Variants in CTNNA2 observed in about 807,000 individuals in gnomAD.
CTNNA2 encodes the protein catenin alpha-2.
A neutral mutation model predicts 101.0 loss-of-function variants in CTNNA2; 42 were observed. That is an observed-to-expected ratio of 0.42 (90% CI 0.32 to 0.54). The LOEUF is 0.54. Ranked by LOEUF, CTNNA2 falls within the 20% of genes least tolerant of loss-of-function variation. The pLI, the probability that CTNNA2 is intolerant of heterozygous loss-of-function variation, is 0.14. For missense variants in CTNNA2, 871 were observed against 1,223.1 expected (o/e 0.71, Z 4.29); for synonymous variants, 450 against 456.4 (o/e 0.99, Z 0.18).
rs550917050 is a variant in CTNNA2 at position 79,568,828 on chromosome 2, C to T, written c.-6+55621C>T. On this transcript the variant is annotated intron_variant, in intron 1 of 18. Transcript: ENST00000402739. Reference sequence around the variant, plus strand: ...CCTGAGCTCAGGAGTTCGAGACCAGCCTGGGCAACATGGCAACATTCTGTT... The same window carrying T: ...CCTGAGCTCAGGAGTTCGAGACCAGTCTGGGCAACATGGCAACATTCTGTT... Among the ~76,000 whole-genome samples, 26 of 142,792 alleles carry T rather than the reference C, an allele frequency of 1.8e-4. No homozygotes were observed. In the South Asian group the frequency reaches 5.6e-3, roughly 31 times the overall value. The allele number at this position is 142,792 out of a possible 152,430, so 93.7% of individuals were successfully genotyped here.
chr2:79,529,372 G>C (rs1282910035), intron 1 of CTNNA2, among the ~76,000 whole-genome samples: 1 of 152,278 alleles, frequency 6.6e-6, no homozygotes, highest in East Asian at 1.9e-4. Flanking sequence ...CTGATGCTTG[G>C]TGTTGATGAT....
At chr2:80,370,525 G>A (rs1675346685) in intron 7 of CTNNA2, among the ~76,000 whole-genome samples, 3 of 152,094 alleles carry the variant, frequency 2.0e-5, no homozygotes, top group Non-Finnish European at 2.9e-5. Context: ...CTAGCCAGAA[G>A]ACTTTGGTGT....
At chr2:79,816,173 C>T (rs1353380258) in intron 3 of CTNNA2, among the ~76,000 whole-genome samples, 1 of 152,050 alleles carries the variant, frequency 6.6e-6, no homozygotes, top group Non-Finnish European at 1.5e-5. Context: ...TTAGGGTTTT[C>T]AAGGTAAACA....
At chr2:79,512,716 G>T (rs1558688546), upstream of CTNNA2, among the ~76,000 whole-genome samples, 1 of 151,668 alleles carries the variant, frequency 6.6e-6, no homozygotes. Flanking sequence ...CTTCGCCGCC[G>T]TCCCCTCCCC....
chr2:80,573,608 T>A (rs930463628), intron 12 of CTNNA2, among the ~76,000 whole-genome samples: 52 of 152,138 alleles, frequency 3.4e-4, no homozygotes, highest in African/African-American at 1.1e-3. Context: ...TTCATCCACA[T>A]TTGATTGTGA....
intron 1 of CTNNA2, among the ~76,000 whole-genome samples, chr2:79,531,553 G>A (rs1490085540): frequency 1.3e-5 from 2 of 152,070 alleles, no homozygotes; most frequent in Non-Finnish European, 2.9e-5. Flanking sequence ...ATAATACACA[G>A]CAGGGTGTCC....
At chr2:80,050,028 C>G (rs1412869152) in intron 7 of CTNNA2, among the ~76,000 whole-genome samples, 1 of 152,086 alleles carries the variant, frequency 6.6e-6, no homozygotes, top group Non-Finnish European at 1.5e-5. Flanking sequence ...CCTTCCTCTT[C>G]CCACCACCCC....
intron 2 of CTNNA2, among the ~76,000 whole-genome samples, chr2:79,683,054 T>C (rs1161029214): frequency 6.6e-6 from 1 of 152,248 alleles, no homozygotes; most frequent in Non-Finnish European, 1.5e-5. Flanking sequence ...ATTGGTTCTT[T>C]ACAATTTGGT....
chr2:80,240,439 T>C (rs1248427873), intron 7 of CTNNA2, among the ~76,000 whole-genome samples: 1 of 152,176 alleles, frequency 6.6e-6, no homozygotes, highest in Admixed American at 6.5e-5. Context: ...CCTCCAGCCA[T>C]CTCCACAGAT....
chr2:79,626,613 G>A (rs1289940734), intron 1 of CTNNA2, among the ~76,000 whole-genome samples: 1 of 116,476 alleles, frequency 8.6e-6, no homozygotes, highest in Non-Finnish European at 1.7e-5. Flanking sequence ...GTGCGTGTGT[G>A]TGTGTATGTG....
intron 4 of CTNNA2, among the ~76,000 whole-genome samples, chr2:79,438,297 C>G (rs552605604): frequency 1.3e-5 from 2 of 152,234 alleles, no homozygotes; most frequent in Admixed American, 6.5e-5. Flanking sequence ...TGAACTGTCT[C>G]TGTCTTTCAA....
rs1292531380 is a variant in CTNNA2 at position 79,665,757 on chromosome 2, TA to T, written c.102+14100del. On this transcript the variant is annotated intron_variant, in intron 2 of 18. Transcript: ENST00000402739. The stretch of plus-strand genomic sequence containing the variant: ...ATCTTGAATAATGTTGCCATATTAT[TA>T]TCTGGGCTTAGAAAAAGGAAAGAGT... 2.0e-5 allele frequency among the ~76,000 whole-genome samples: 3 copies of T among 152,338 alleles called. No individual in the cohort carries two copies. In the South Asian group the frequency reaches 6.2e-4, roughly 32 times the overall value.
At chr2:79,618,044 A>G (rs1167260771) in intron 1 of CTNNA2, among the ~76,000 whole-genome samples, 1 of 152,028 alleles carries the variant, frequency 6.6e-6, no homozygotes, top group Non-Finnish European at 1.5e-5. Context: ...GGACACCCCC[A>G]TCCCCACCAC....
At chr2:80,227,002 A>G (rs770009382) in intron 7 of CTNNA2, among the ~76,000 whole-genome samples, 3 of 152,300 alleles carry the variant, frequency 2.0e-5, no homozygotes, top group South Asian at 4.1e-4. Context: ...TGGGTTAACA[A>G]CAGCTTTAGG....
chr2:79,875,408 C>T (rs1473714855), intron 6 of CTNNA2, among the ~76,000 whole-genome samples: 1 of 152,264 alleles, frequency 6.6e-6, no homozygotes, highest in East Asian at 1.9e-4. Flanking sequence ...ATGCACTAAA[C>T]ACCATTTAAT....
At chr2:80,391,227 T>C (rs1332946938) in intron 7 of CTNNA2, among the ~76,000 whole-genome samples, 1 of 152,054 alleles carries the variant, frequency 6.6e-6, no homozygotes, top group African/African-American at 2.4e-5. Context: ...ATCTAAATTA[T>C]ACTCCCTCTC....
intron 9 of CTNNA2, among the ~76,000 whole-genome samples, chr2:80,442,074 G>T (rs752510144): frequency 5.3e-5 from 8 of 152,296 alleles, no homozygotes; most frequent in Admixed American, 2.0e-4. Context: ...CTTGTAACAG[G>T]TTCACACATA....
chr2:79,585,102 A>G (rs945473284), intron 1 of CTNNA2, among the ~76,000 whole-genome samples: 40 of 152,200 alleles, frequency 2.6e-4, no homozygotes, highest in Admixed American at 1.3e-3. Flanking sequence ...GGTTCCTGCT[A>G]TAAGTGAGGT....
intron 3 of CTNNA2, among the ~76,000 whole-genome samples, chr2:79,324,401 C>T (rs1269507022): frequency 6.6e-6 from 1 of 152,092 alleles, no homozygotes; most frequent in East Asian, 1.9e-4. Flanking sequence ...GGGGCTGAGG[C>T]ATAGTGGCCC....
Sources: gnomAD v4.1 joint callset for allele counts (sites outside exome capture counted in the v4.1 genomes callset) on GRCh38, gnomAD v4.1.1 for gene constraint, MANE v1.5 for transcripts, NCBI Gene and HGNC (gene_info 2026-07-23, HGNC 2026-07-21) for gene names.